Variants in CTNNA2 observed in about 807,000 individuals in gnomAD.
CTNNA2 encodes the protein catenin alpha-2.
Under a neutral mutation model 101.0 loss-of-function variants are expected in CTNNA2, and 42 were observed. The ratio of observed to expected loss-of-function variants is 0.42; its 90% CI spans 0.32 to 0.54. CTNNA2 has a LOEUF of 0.54. CTNNA2 is among the 20% of genes least tolerant of loss of function. The pLI is 0.14. For synonymous variants in CTNNA2, 450 were observed against 456.4 expected, an observed-to-expected ratio of 0.99 and a Z score of 0.18; for missense variants, 871 against 1,223.1, an observed-to-expected ratio of 0.71 and a Z score of 4.29.
At chr2:80,324,074 TC>T (rs1209715191) in intron 7 of CTNNA2, among the ~76,000 whole-genome samples, 1 of 152,048 alleles carries the variant, frequency 6.6e-6, no homozygotes, top group Non-Finnish European at 1.5e-5. Context: ...GAATTAATCC[TC>T]CCCCTACCCC....
intron 9 of CTNNA2, among the ~76,000 whole-genome samples, chr2:80,464,243 G>C: frequency 6.6e-6 from 1 of 152,124 alleles, no homozygotes; most frequent in Non-Finnish European, 1.5e-5. Flanking sequence ...TCAATATAAT[G>C]GAGATCCAAT....
chr2:80,179,375 G>GT (rs558828244), intron 7 of CTNNA2, among the ~76,000 whole-genome samples: 282 of 151,886 alleles, frequency 1.9e-3, no homozygotes, highest in African/African-American at 6.4e-3. Context: ...GTTTTTTTTT[G>GT]TTTTTTTGTT....
intron 2 of CTNNA2, among the ~76,000 whole-genome samples, chr2:79,675,809 C>T (rs939604386): frequency 4.6e-5 from 7 of 152,178 alleles, no homozygotes; most frequent in Non-Finnish European, 8.8e-5. Flanking sequence ...GTTTCTGACC[C>T]TGTTACCTTT....
At chr2:80,636,226 C>T (rs765419930) in intron 18 of CTNNA2, among the ~76,000 whole-genome samples, 2 of 151,922 alleles carry the variant, frequency 1.3e-5, no homozygotes, top group Non-Finnish European at 2.9e-5. Flanking sequence ...TATGTAGATT[C>T]GAAACTGGGA....
At chr2:79,933,337 G>C (rs1445314930) in intron 7 of CTNNA2, among the ~76,000 whole-genome samples, 2 of 152,072 alleles carry the variant, frequency 1.3e-5, no homozygotes, top group African/African-American at 4.8e-5. Flanking sequence ...ACACTGTTCG[G>C]CTAGGATTTG....
At chr2:79,209,780 G>C (rs1387608368) in intron 2 of CTNNA2, among the ~76,000 whole-genome samples, 1 of 31,232 alleles carries the variant, frequency 3.2e-5, no homozygotes, top group Non-Finnish European at 5.2e-5. Context: ...AACTACATCA[G>C]TTCCCTTTCA....
chr2:80,616,459 T>G (rs1164316127), intron 17 of CTNNA2: 2 of 151,760 alleles, frequency 1.3e-5, no homozygotes, highest in Non-Finnish European at 2.9e-5. Flanking sequence ...ATTGTTCTTT[T>G]GGAATGCACA....
intron 3 of CTNNA2, among the ~76,000 whole-genome samples, chr2:79,351,676 A>G (rs62156624): frequency 0.35 from 53,710 of 151,868 alleles, 9,735 homozygotes; most frequent in Admixed American, 0.44. Context: ...ATTCTTGAGA[A>G]CAGGTGGTAT....
intron 17 of CTNNA2, among the ~76,000 whole-genome samples, chr2:80,610,580 C>A (rs1698380504): frequency 6.6e-6 from 1 of 151,624 alleles, no homozygotes; most frequent in African/African-American, 2.4e-5. Context: ...TGAAAGCCCC[C>A]AGGAAAGTTA....
chr2:80,267,197 C>T (rs945793076), intron 7 of CTNNA2, among the ~76,000 whole-genome samples: 2 of 152,166 alleles, frequency 1.3e-5, no homozygotes, highest in South Asian at 4.1e-4. Context: ...ATTCTCACTT[C>T]CCCCACATCT....
At chr2:79,712,472 C>T (rs1259979027) in intron 2 of CTNNA2, among the ~76,000 whole-genome samples, 3 of 152,056 alleles carry the variant, frequency 2.0e-5, no homozygotes, top group African/African-American at 7.2e-5. Flanking sequence ...GTTGTTTTTT[C>T]CTCTAGCTGT....
intron 7 of CTNNA2, among the ~76,000 whole-genome samples, chr2:79,937,740 G>T (rs980546937): frequency 2.0e-5 from 3 of 152,172 alleles, no homozygotes; most frequent in Non-Finnish European, 4.4e-5. Context: ...TAAAGTAAAA[G>T]AAATGAAGAC....
chr2:80,089,658 C>G (rs1287211840), intron 7 of CTNNA2, among the ~76,000 whole-genome samples: 1 of 151,928 alleles, frequency 6.6e-6, no homozygotes, highest in African/African-American at 2.4e-5. Flanking sequence ...TAGTTTCTGA[C>G]TCAGTTTTGC....
intron 2 of CTNNA2, among the ~76,000 whole-genome samples, chr2:79,732,399 A>C (rs1403023674): frequency 6.6e-6 from 1 of 152,088 alleles, no homozygotes; most frequent in Non-Finnish European, 1.5e-5. Context: ...AGTGTGTGAA[A>C]GCCACCTAAA....
At chr2:79,681,726 C>A (rs1683575345) in intron 2 of CTNNA2, among the ~76,000 whole-genome samples, 1 of 152,164 alleles carries the variant, frequency 6.6e-6, no homozygotes, top group African/African-American at 2.4e-5. Flanking sequence ...TACTTAACTT[C>A]ATTAATATAG....
At chr2:80,415,774 A>C (rs1245276845) in intron 8 of CTNNA2, among the ~76,000 whole-genome samples, 1 of 152,192 alleles carries the variant, frequency 6.6e-6, no homozygotes, top group Non-Finnish European at 1.5e-5. Flanking sequence ...ACATGGAATC[A>C]ACCAAGTATC....
intron 1 of CTNNA2, among the ~76,000 whole-genome samples, chr2:79,633,122 G>C (rs1679804598): frequency 6.6e-6 from 1 of 152,192 alleles, no homozygotes; most frequent in African/African-American, 2.4e-5. Flanking sequence ...AGGGTTTGGG[G>C]CTGCAAATAA....
At position 79,208,735 on chromosome 2, in the gene CTNNA2, A is replaced by G. The variant is rs140205278; in HGVS notation, c.-406+10659A>G. ...AGGGCCCTCTTCATTTATCCTTCTC[A>G]GTACAGCTGTGTGTAAGCTGGCATA... On this transcript the variant is annotated intron_variant, in intron 2 of 21. Transcript: ENST00000466387. Among the ~76,000 whole-genome samples, 63 of 152,308 alleles carry G rather than the reference A, an allele frequency of 4.1e-4. No individual in the cohort carries two copies. In the East Asian group the frequency reaches 0.012, roughly 29 times the overall value.
rs777944232 is a variant in CTNNA2 at position 80,302,748 on chromosome 2, A to C, written c.1057-90463A>C. The C allele has an allele frequency of 8.7e-6, 14 of 1,613,168 alleles. No individual in the cohort carries two copies. The highest frequency in any genetic ancestry group is 1.7e-5 in the Admixed American group (1 of 60,000). ...CCATCCTCGCACAGGTGGAAGGCGT[A>C]CACGGCGTCCAGGACGTCCTCGCCC... On this transcript the variant is annotated intron_variant, in intron 7 of 18. Coordinates refer to ENST00000402739, the MANE Select transcript of CTNNA2 (RefSeq NM_001282597.3). This position sits in a 1 kb window ranked among gnomAD's most constrained non-coding sequence, Gnocchi z 6.4.
Sources: allele counts gnomAD v4.1 joint callset (sites outside exome capture counted in the v4.1 genomes callset), GRCh38; gene constraint gnomAD v4.1.1; non-coding constraint Gnocchi (gnomAD v3.1); transcripts MANE v1.5; gene names NCBI Gene and HGNC (gene_info 2026-07-23, HGNC 2026-07-21).